Variants in NKAIN2 observed in about 807,000 individuals in gnomAD.
NKAIN2 encodes the protein sodium/potassium transporting ATPase interacting 2, also known as sodium/potassium-transporting ATPase subunit beta-1-interacting protein 2.
A neutral mutation model predicts 32.6 loss-of-function variants in NKAIN2; 14 were observed. The observed-to-expected ratio is 0.43, with a 90% CI of 0.28 to 0.67. NKAIN2 has a LOEUF of 0.67. Among genes scored for constraint, NKAIN2 ranks in the 30% least tolerant of loss-of-function variants. NKAIN2 has a pLI of 0.17. For missense variants in NKAIN2, 198 were observed against 258.3 expected (o/e 0.77, Z 1.60); for synonymous variants, 80 against 87.2 (o/e 0.92, Z 0.46).
At chr6:124,518,965 A>G (rs561444414) in intron 3 of NKAIN2, among the ~76,000 whole-genome samples, 19 of 152,294 alleles carry the variant, frequency 1.2e-4, no homozygotes, top group African/African-American at 4.6e-4. Flanking sequence ...AGGAATTCCT[A>G]AAAGACAGTG....
chr6:124,589,974 C>T (rs1321284544), intron 3 of NKAIN2, among the ~76,000 whole-genome samples: 1 of 152,110 alleles, frequency 6.6e-6, no homozygotes, highest in African/African-American at 2.4e-5. Context: ...CCTCAATATG[C>T]AGCAAAATTC....
intron 1 of NKAIN2, among the ~76,000 whole-genome samples, chr6:123,837,742 C>A (rs1582624148): frequency 1.3e-5 from 2 of 151,970 alleles, no homozygotes; most frequent in African/African-American, 4.8e-5. Context: ...TTTCTGATTT[C>A]ATTGTCTAGC....
intron 1 of NKAIN2, among the ~76,000 whole-genome samples, chr6:124,204,313 A>G (rs1790745902): frequency 6.6e-6 from 1 of 151,880 alleles, no homozygotes; most frequent in Admixed American, 6.6e-5. Context: ...TTAGACAAAG[A>G]TGAATAACTT....
At chr6:124,626,980 T>TTAAAC (rs1472961296) in intron 3 of NKAIN2, among the ~76,000 whole-genome samples, 1 of 152,136 alleles carries the variant, frequency 6.6e-6, no homozygotes, top group Non-Finnish European at 1.5e-5. Context: ...TTTAAAATTA[T>TTAAAC]TAAACTAGAC....
chr6:124,307,282 T>C (rs1397874689), intron 2 of NKAIN2, among the ~76,000 whole-genome samples: 4 of 152,192 alleles, frequency 2.6e-5, no homozygotes, highest in Non-Finnish European at 5.9e-5. Flanking sequence ...ATGTTCTGGC[T>C]AAATAAAAGT....
chr6:124,463,908 T>A (rs115066484), intron 3 of NKAIN2, among the ~76,000 whole-genome samples: 106 of 152,266 alleles, frequency 7.0e-4, no homozygotes, highest in African/African-American at 2.4e-3. Flanking sequence ...GTCTAAAACG[T>A]CTATTTAGCT....
intron 3 of NKAIN2, among the ~76,000 whole-genome samples, chr6:124,649,718 T>A (rs1375813303): frequency 6.6e-6 from 1 of 152,078 alleles, no homozygotes; most frequent in African/African-American, 2.4e-5. Context: ...ACTTTCAACA[T>A]ATAACAGTCA....
intron 1 of NKAIN2, among the ~76,000 whole-genome samples, chr6:124,073,420 A>G (rs1395582667): frequency 6.6e-6 from 1 of 152,220 alleles, no homozygotes; most frequent in Non-Finnish European, 1.5e-5. Flanking sequence ...GTATATTTAA[A>G]TATCTAAATT....
intron 1 of NKAIN2, among the ~76,000 whole-genome samples, chr6:123,860,790 C>T (rs898152559): frequency 2.0e-5 from 3 of 152,196 alleles, no homozygotes; most frequent in Non-Finnish European, 4.4e-5. Flanking sequence ...CTGACCACCT[C>T]TCACATACTT....
intron 1 of NKAIN2, among the ~76,000 whole-genome samples, chr6:124,244,028 C>G (rs1266503546): frequency 6.6e-6 from 1 of 151,808 alleles, no homozygotes; most frequent in African/African-American, 2.4e-5. Context: ...AAATCAACTA[C>G]CTAGCCAATA....
chr6:123,896,623 C>T (rs1774291562), intron 1 of NKAIN2, among the ~76,000 whole-genome samples: 1 of 152,106 alleles, frequency 6.6e-6, no homozygotes, highest in Non-Finnish European at 1.5e-5. Context: ...GTGACTTGTC[C>T]AAGGTTGCTC....
intron 3 of NKAIN2, among the ~76,000 whole-genome samples, chr6:124,599,718 A>G (rs1398615207): frequency 6.6e-6 from 1 of 152,116 alleles, no homozygotes; most frequent in Admixed American, 6.6e-5. Flanking sequence ...GAAATGATCC[A>G]CAATGCATTA....
intron 1 of NKAIN2, among the ~76,000 whole-genome samples, chr6:124,033,950 G>A (rs1218815255): frequency 6.6e-6 from 1 of 151,982 alleles, no homozygotes; most frequent in African/African-American, 2.4e-5. Flanking sequence ...AGTCCAAAAG[G>A]AGAGTACATG....
At chr6:124,210,258 G>A (rs952293079) in intron 1 of NKAIN2, among the ~76,000 whole-genome samples, 23 of 151,322 alleles carry the variant, frequency 1.5e-4, no homozygotes, top group African/African-American at 4.8e-4. Flanking sequence ...TGAGTTGACT[G>A]TAATTTATGG....
intron 3 of NKAIN2, among the ~76,000 whole-genome samples, chr6:124,386,593 T>G (rs931496493): frequency 2.6e-5 from 4 of 152,194 alleles, no homozygotes; most frequent in South Asian, 2.1e-4. Flanking sequence ...CGCAATGGTT[T>G]TGGCATTCAC....
intron 1 of NKAIN2, among the ~76,000 whole-genome samples, chr6:123,897,507 G>A (rs1395306936): frequency 6.6e-6 from 1 of 152,128 alleles, no homozygotes; most frequent in Non-Finnish European, 1.5e-5. Context: ...TACAGCAGGT[G>A]TCTTAGTGTA....
chr6:123,878,198 C>T (rs1773261569), intron 1 of NKAIN2, among the ~76,000 whole-genome samples: 1 of 150,660 alleles, frequency 6.6e-6, no homozygotes, highest in South Asian at 2.1e-4. Context: ...TGCAGTCCAC[C>T]CTGGACTACA....
In NKAIN2 at chr6:124,676,656, G is replaced by T. The variant is rs1409251803; in HGVS notation, c.474+18270G>T. 1.3e-5 allele frequency among the ~76,000 whole-genome samples: 2 copies of T among 152,068 alleles called. 1 individual carries two copies. The highest frequency in any genetic ancestry group is 1.3e-4 in the Admixed American group (2 of 15,260). On this transcript the variant is annotated intron_variant, in intron 4 of 6. Transcript: ENST00000368417. ...ACTCTGTTGCCCAGCCTAGAATGCA[G>T]TGGCACAATCATAGCTTACTGCAGC...
intron 4 of NKAIN2, among the ~76,000 whole-genome samples, chr6:124,693,848 C>T (rs970072776): frequency 6.6e-6 from 1 of 151,994 alleles, no homozygotes; most frequent in Admixed American, 6.6e-5. Context: ...GTCTTAAGAC[C>T]CATAGAGAAA....
Sources: allele counts gnomAD v4.1 joint callset (sites outside exome capture counted in the v4.1 genomes callset), GRCh38; gene constraint gnomAD v4.1.1; transcripts MANE v1.5; gene names NCBI Gene and HGNC (gene_info 2026-07-23, HGNC 2026-07-21).